Variants in TENT4A observed in about 807,000 individuals in gnomAD.
TENT4A encodes DNA polymerase kappa.
In TENT4A, 7 loss-of-function variants were observed where a neutral mutation model predicts 72.8. The observed-to-expected ratio is 0.10, with a 90% CI of 0.05 to 0.18. The LOEUF (loss-of-function observed/expected upper bound fraction) is 0.18, where lower values mean the gene tolerates loss of function less well. TENT4A is among the 10% of genes least tolerant of loss of function. TENT4A has a pLI of 1.00. For synonymous variants in TENT4A, 456 were observed against 434.3 expected (o/e 1.05, Z -0.62); for missense variants, 831 against 1,017.7 (o/e 0.82, Z 2.50).
chr5:6,751,265 C>T (rs948919581), intron 11 of TENT4A, 68 bp downstream of exon 11: 2 of 1,482,410 alleles, frequency 1.3e-6, no homozygotes, highest in Non-Finnish European at 1.9e-6. Flanking sequence ...GTGATATGCA[C>T]TAGAGGAGAT....
Position 6,738,688 on chromosome 5 carries a change from G to T in TENT4A, c.846G>T (p.Gln282His). Reference protein sequence around the residue: ...VKDLWPTADVQIFGSFSTGLY... With the variant: ...VKDLWPTADVHIFGSFSTGLY... ...GCAACCACTCTTTCTTTCAGGTACA[G>T]ATATTTGGCAGCTTTAGTACAGGTC... Residue 282 changes from glutamine to histidine, a missense_variant, in exon 3 of 13, where the codon CAG becomes CAT. This residue lies in a region of TENT4A where 197 missense variants were observed against 399.6 expected (regional missense o/e 0.49). Transcript: ENST00000230859. 2 of 1,612,766 alleles carry T rather than the reference G, an allele frequency of 1.2e-6. No homozygotes were observed.
intron 11 of TENT4A, 102 bp downstream of exon 11, chr5:6,751,299 G>C: frequency 7.8e-7 from 1 of 1,279,612 alleles, no homozygotes; most frequent in South Asian, 1.3e-5. Context: ...AATTAGAAGA[G>C]TAACTTTTTG....
chr5:6,742,622 G>A (rs377743701), intron 5 of TENT4A, 25 bp downstream of exon 5: 37 of 1,400,168 alleles, frequency 2.6e-5, no homozygotes, highest in African/African-American at 2.5e-4. Flanking sequence ...GACCCAGCGC[G>A]GCGAGAGTGC....
At chr5:6,715,608 A>C (rs1295384828) in intron 1 of TENT4A, among the ~76,000 whole-genome samples, 1 of 152,226 alleles carries the variant, frequency 6.6e-6, no homozygotes, top group Non-Finnish European at 1.5e-5. Context: ...AAAACAATTA[A>C]GGATTTGCTG....
At position 6,748,586 on chromosome 5, in the gene TENT4A, G is replaced by A; in HGVS notation, c.1582G>A (p.Glu528Lys). ...LARSYPNRDA[E>K]STLGRIIKVT... is the part of the protein sequence containing the mutation. Reference sequence around the variant, plus strand: ...CAGGTCCTATCCAAACAGAGACGCCGAAAGGTAATGGGTTGTGTGTCTGCG... The same window carrying A: ...CAGGTCCTATCCAAACAGAGACGCCAAAAGGTAATGGGTTGTGTGTCTGCG... The change falls in exon 8 of 13, where the codon GAA becomes AAA. Residue 528 changes from glutamate to lysine, a missense_variant. By Grantham distance (56) the Glu-to-Lys change is moderately conservative. This residue lies in a region of TENT4A where 197 missense variants were observed against 399.6 expected (regional missense o/e 0.49). Coordinates refer to ENST00000230859, the MANE Select transcript of TENT4A (RefSeq NM_006999.6). 2 of 1,612,856 alleles carry A rather than the reference G, an allele frequency of 1.2e-6. No homozygotes were observed. The highest frequency in any genetic ancestry group is 1.7e-6 in the Non-Finnish European group (2 of 1,178,996).
At position 6,714,222 on chromosome 5, in the gene TENT4A, C is replaced by CGCCCGCCGCGCT. The variant is rs1740240500; in HGVS notation, c.244_255dup (p.Ala82_Pro85dup). The CGCCCGCCGCGCT allele has an allele frequency of 7.1e-6, 7 of 986,258 alleles. No homozygotes were observed. The highest frequency in any genetic ancestry group is 4.6e-5 in the South Asian group (1 of 21,642). The allele number at this position is 986,258 out of a possible 1,614,324, so 61.1% of individuals were successfully genotyped here. ...TCGCCCCCGCCGCCCGGCCCCACCG[C>CGCCCGCCGCGCT]GCCCGCCGCGCTGCCCCCCGCGCTG... On this transcript the variant is annotated inframe_insertion, in exon 1 of 13. Transcript: ENST00000230859.
At chr5:6,738,638 C>T (rs372737926) in intron 2 of TENT4A, 45 bp from the exon 3 acceptor site, 3 of 1,433,384 alleles carry the variant, frequency 2.1e-6, no homozygotes, top group Non-Finnish European at 2.0e-6. Context: ...AGTGTGACTG[C>T]TTGGTTTGTG....
At chr5:6,719,732 C>T (rs1046657142) in intron 1 of TENT4A, among the ~76,000 whole-genome samples, 4 of 152,222 alleles carry the variant, frequency 2.6e-5, no homozygotes, top group Admixed American at 6.5e-5. Flanking sequence ...GATGCCTTTT[C>T]TCCCAACACT....
At chr5:6,730,890 G>A (rs1173403487) in intron 1 of TENT4A, among the ~76,000 whole-genome samples, 1 of 152,026 alleles carries the variant, frequency 6.6e-6, no homozygotes, top group African/African-American at 2.4e-5. Flanking sequence ...ATCAGTAAAT[G>A]GATACTTTAA....
chr5:6,717,279 G>T (rs1740436165), intron 1 of TENT4A, among the ~76,000 whole-genome samples: 1 of 152,258 alleles, frequency 6.6e-6, no homozygotes, highest in African/African-American at 2.4e-5. Flanking sequence ...CTGGCCAATA[G>T]TAAAGGACCT....
In TENT4A at chr5:6,751,075, T is replaced by C; in HGVS notation, c.1897T>C (p.Tyr633His). Residue 633 changes from tyrosine to histidine, a missense_variant, in exon 11 of 13, where the codon TAC becomes CAC. Physicochemically the swap from Tyr to His is moderately conservative, Grantham distance 83 (BLOSUM62 2). Transcript: ENST00000230859. ...ACCGCCCTGCACAACGCCCAGTGTTTACCAGTTCAGTCTGCAAGCGCCAGC... is the reference window on the plus strand; with the variant it reads ...ACCGCCCTGCACAACGCCCAGTGTTCACCAGTTCAGTCTGCAAGCGCCAGC... Reference protein sequence around the residue: ...DTPPCTTPSVYQFSLQAPAPL... With the variant: ...DTPPCTTPSVHQFSLQAPAPL... 6.2e-7 allele frequency: 1 copy of C among 1,614,212 alleles called. No homozygotes were observed. The highest frequency in any genetic ancestry group is 8.5e-7 in the Non-Finnish European group (1 of 1,180,028).
At chr5:6,735,232 C>G (rs1388178390) in intron 1 of TENT4A, among the ~76,000 whole-genome samples, 1 of 152,152 alleles carries the variant, frequency 6.6e-6, no homozygotes, top group Non-Finnish European at 1.5e-5. Flanking sequence ...TTAATAATTC[C>G]AAGCCTGCAT....
chr5:6,743,974 T>G, intron 6 of TENT4A, 134 bp downstream of exon 6: 1 of 780,310 alleles, frequency 1.3e-6, no homozygotes, highest in Non-Finnish European at 2.1e-6. Flanking sequence ...GAGGCTGATT[T>G]CTGATTCTTA....
Position 6,755,051 on chromosome 5 carries a change from G to A in TENT4A, c.*106G>A, listed in dbSNP as rs1486959737. The stretch of plus-strand genomic sequence containing the variant: ...AGCACCCCGCACGTCAGCCGGGCTC[G>A]CGGCACGCCCGCCGCTGATCACTCT... On this transcript the variant is annotated 3_prime_UTR_variant, in exon 13 of 13. Coordinates refer to ENST00000230859, the MANE Select transcript of TENT4A (RefSeq NM_006999.6). 2.1e-5 allele frequency: 20 copies of A among 975,592 alleles called. No individual in the cohort carries two copies. Among genetic ancestry groups the A allele is most frequent in the African/African-American group, 8.2e-5 (5 of 60,952 alleles). The allele number at this position is 975,592 out of a possible 1,614,324, so 60.4% of individuals were successfully genotyped here.
chr5:6,726,802 C>T (rs745580679), intron 1 of TENT4A, among the ~76,000 whole-genome samples: 12 of 152,192 alleles, frequency 7.9e-5, no homozygotes, highest in Non-Finnish European at 1.5e-4. Flanking sequence ...CTGTCCTCAG[C>T]GCCCTCCCTC....
At chr5:6,726,517 G>A (rs750655466) in intron 1 of TENT4A, among the ~76,000 whole-genome samples, 1 of 152,124 alleles carries the variant, frequency 6.6e-6, no homozygotes, top group Admixed American at 6.5e-5. Context: ...CTTGTGCCGT[G>A]CCACCTTGAC....
At chr5:6,732,863 A>T (rs1193381656) in intron 1 of TENT4A, among the ~76,000 whole-genome samples, 1 of 152,176 alleles carries the variant, frequency 6.6e-6, no homozygotes, top group South Asian at 2.1e-4. Context: ...GAGCCTTGCT[A>T]ATGTCCCAGG....
At chr5:6,745,875 C>T (rs1313186317) in intron 6 of TENT4A, 2 of 405,954 alleles carry the variant, frequency 4.9e-6, no homozygotes, top group South Asian at 5.3e-5. Context: ...TCTGAAATTA[C>T]ATCTACCATC....
intron 8 of TENT4A, 141 bp from the exon 9 acceptor site, chr5:6,749,416 T>C: frequency 1.6e-6 from 1 of 636,968 alleles, no homozygotes; most frequent in Non-Finnish European, 2.8e-6. Context: ...GAGATATTTG[T>C]CAACGTATTT....
Sources: gnomAD v4.1 joint callset for allele counts (sites outside exome capture counted in the v4.1 genomes callset) on GRCh38, gnomAD v4.1.1 for gene constraint, gnomAD v4.1.1 regional missense constraint, MANE v1.5 for transcripts, NCBI Gene and HGNC (gene_info 2026-07-23, HGNC 2026-07-21) for gene names.